FGF14: variants seen among roughly 807,000 people sequenced by gnomAD.
FGF14 encodes fibroblast growth factor homologous factor 4.
In FGF14, 5 loss-of-function variants were observed where a neutral mutation model predicts 25.5. The ratio of observed to expected loss-of-function variants is 0.20; its 90% confidence interval spans 0.10 to 0.41. The LOEUF (loss-of-function observed/expected upper bound fraction) is 0.41. FGF14 is among the 10% of genes least tolerant of loss of function. The pLI is 1.00. For synonymous variants in FGF14, 138 were observed against 118.3 expected (o/e 1.17, Z -1.08); for missense variants, 222 against 320.1 (o/e 0.69, Z 2.34).
chr13:101,867,193 C>G (rs949934352), intron 3 of FGF14, among the ~76,000 whole-genome samples: 2 of 152,112 alleles, frequency 1.3e-5, no homozygotes, highest in Non-Finnish European at 2.9e-5. Flanking sequence ...TTTCTTGTTT[C>G]TATTCCTACT....
chr13:102,294,895 A>G (rs1032847728), intron 1 of FGF14, among the ~76,000 whole-genome samples: 1 of 152,202 alleles, frequency 6.6e-6, no homozygotes, highest in African/African-American at 2.4e-5. Flanking sequence ...ATGAGTTACA[A>G]TAGCACTTAG....
At position 102,144,482 on chromosome 13, in the gene FGF14, GTA is replaced by G. The variant is rs150309727; in HGVS notation, c.208+256987_208+256988del. On this transcript the variant is annotated intron_variant, in intron 1 of 4. Transcript: ENST00000376131. ...TCAAATTTATATTAAATGTATTATA[GTA>G]TATGATAGCTATTTATAAAGTAAAT... is the stretch of plus-strand genomic sequence containing the variant. Among the ~76,000 whole-genome samples the G allele has an allele frequency of 2.6e-3, 400 of 151,896 alleles. 1 individual carries two copies. Among genetic ancestry groups the G allele is most frequent in the African/African-American group, 9.1e-3 (378 of 41,450 alleles).
At chr13:102,102,885 C>T (rs568522200) in intron 1 of FGF14, among the ~76,000 whole-genome samples, 2 of 152,120 alleles carry the variant, frequency 1.3e-5, no homozygotes, top group South Asian at 2.1e-4. Flanking sequence ...CCTTTCTCCC[C>T]GCAGTATACT....
chr13:102,329,678 C>T (rs1283021742), intron 1 of FGF14, among the ~76,000 whole-genome samples: 1 of 152,096 alleles, frequency 6.6e-6, no homozygotes, highest in African/African-American at 2.4e-5. Flanking sequence ...GCTGCTCAGA[C>T]CTGTGGATGT....
At chr13:102,222,440 C>T (rs1012620422) in intron 1 of FGF14, among the ~76,000 whole-genome samples, 6 of 152,124 alleles carry the variant, frequency 3.9e-5, no homozygotes, top group African/African-American at 1.4e-4. Flanking sequence ...GCACTGCAGC[C>T]TTATATCAAA....
intron 3 of FGF14, among the ~76,000 whole-genome samples, chr13:101,797,734 G>GATAT (rs150559894): frequency 2.1e-5 from 3 of 140,244 alleles, no homozygotes; most frequent in Non-Finnish European, 4.7e-5. Flanking sequence ...GTCATGAATT[G>GATAT]ATGTGTGTGT....
chr13:102,371,418 TA>T (rs2057880445), intron 1 of FGF14, among the ~76,000 whole-genome samples: 2 of 152,092 alleles, frequency 1.3e-5, no homozygotes, highest in Non-Finnish European at 2.9e-5. Context: ...CTGCCTAAAA[TA>T]GCCTTATTCC....
intron 1 of FGF14, among the ~76,000 whole-genome samples, chr13:102,161,614 AAGAAGAAGAAGAAGAAGAAGAAGAAGAAG>A (rs2047691559): frequency 1.1e-3 from 6 of 5,352 alleles, no homozygotes; most frequent in South Asian, 9.3e-3. Flanking sequence ...GAAGAAGAAG[AAGAAGAAGAAGAAGAAGAAGAAGAAGAAG>A]AAGAAGAAGA....
chr13:102,070,688 ACAG>A (rs1293043511), intron 1 of FGF14, among the ~76,000 whole-genome samples: 1 of 152,252 alleles, frequency 6.6e-6, no homozygotes, highest in East Asian at 1.9e-4. Flanking sequence ...TTAAATTCTA[ACAG>A]CAATATTTTG....
chr13:101,891,728 A>G (rs1417636858), intron 1 of FGF14, among the ~76,000 whole-genome samples: 2 of 152,128 alleles, frequency 1.3e-5, no homozygotes, highest in African/African-American at 2.4e-5. Flanking sequence ...ATACACACAC[A>G]TATATAAATA....
chr13:102,158,405 C>A (rs1252145891), intron 1 of FGF14, among the ~76,000 whole-genome samples: 3 of 151,366 alleles, frequency 2.0e-5, no homozygotes, highest in Non-Finnish European at 4.4e-5. Context: ...TCATTCTCAG[C>A]AAACTATCAC....
chr13:102,352,811 CA>C (rs368786811), intron 1 of FGF14, among the ~76,000 whole-genome samples: 1,449 of 62,140 alleles, frequency 0.023, 10 homozygotes, highest in African/African-American at 0.058. Flanking sequence ...GACTCTGTCT[CA>C]AAAAAAAAAA....
intron 1 of FGF14, among the ~76,000 whole-genome samples, chr13:102,107,898 A>G (rs926370602): frequency 1.3e-5 from 2 of 152,220 alleles, no homozygotes; most frequent in African/African-American, 4.8e-5. Context: ...CTTCCTTAGC[A>G]ATAGAGATAG....
intron 1 of FGF14, among the ~76,000 whole-genome samples, chr13:102,031,611 A>G (rs1323849651): frequency 6.6e-6 from 1 of 151,978 alleles, no homozygotes; most frequent in African/African-American, 2.4e-5. Flanking sequence ...ATATTTTCTT[A>G]TTTGATTGAA....
chr13:101,910,974 A>G (rs2032873191), intron 1 of FGF14, among the ~76,000 whole-genome samples: 2 of 151,946 alleles, frequency 1.3e-5, no homozygotes, highest in Admixed American at 1.3e-4. Context: ...CTCTTTGGCT[A>G]AAGTTTCTCA....
chr13:101,831,953 C>T (rs1054557983), intron 3 of FGF14, among the ~76,000 whole-genome samples: 2 of 152,014 alleles, frequency 1.3e-5, no homozygotes, highest in African/African-American at 4.8e-5. Flanking sequence ...TGAATAATGG[C>T]CACCAAATAT....
intron 1 of FGF14, among the ~76,000 whole-genome samples, chr13:101,922,325 TTTGCTTGATGTCC>T (rs1318620160): frequency 6.6e-6 from 1 of 152,182 alleles, no homozygotes; most frequent in Non-Finnish European, 1.5e-5. Flanking sequence ...TACTTTAGCC[TTTGCTTGATGTCC>T]TGGGCTCAAC....
intron 3 of FGF14, among the ~76,000 whole-genome samples, chr13:101,853,835 A>G (rs769438993): frequency 6.6e-6 from 1 of 152,074 alleles, no homozygotes; most frequent in Admixed American, 6.6e-5. Flanking sequence ...TTACAGACTG[A>G]TACTCAAGTA....
Position 101,715,855 on chromosome 13 carries a change from A to T in FGF14, c.*6976T>A. 1 of 468,330 alleles carries T rather than the reference A, an allele frequency of 2.1e-6. No homozygotes were observed. Among genetic ancestry groups the T allele is most frequent in the East Asian group, 3.4e-5 (1 of 29,190 alleles). 29.0% of individuals were successfully genotyped at this position (468,330 alleles called of 1,614,324 possible). Reference sequence around the variant, plus strand: ...TAGATGCAAATAACATTAGAAAAAAAAGATTCTTCCATAATTAACATAAGT... The same window carrying T: ...TAGATGCAAATAACATTAGAAAAAATAGATTCTTCCATAATTAACATAAGT... On this transcript the variant is annotated 3_prime_UTR_variant, in exon 5 of 5. Transcript: ENST00000376143.
Sources: gnomAD v4.1 joint callset for allele counts (sites outside exome capture counted in the v4.1 genomes callset) on GRCh38, gnomAD v4.1.1 for gene constraint, MANE v1.5 for transcripts, NCBI Gene and HGNC (gene_info 2026-07-23, HGNC 2026-07-21) for gene names.